Variants in PCNX2 observed in about 807,000 individuals in gnomAD.
PCNX2 encodes the protein pecanex 2, also known as pecanex-like protein 2.
A neutral mutation model predicts 223.8 loss-of-function variants in PCNX2; 168 were observed. The observed-to-expected ratio is 0.75, with a 90% confidence interval of 0.66 to 0.85. PCNX2 has a LOEUF of 0.85. PCNX2 is among the 40% of genes least tolerant of loss of function. The pLI, the probability that PCNX2 is intolerant of heterozygous loss-of-function variation, is 0.00. For missense variants in PCNX2, 2,507 were observed against 2,675.5 expected (o/e 0.94, Z 1.39); for synonymous variants, 1,006 against 1,052.6 (o/e 0.96, Z 0.86).
intron 1 of PCNX2, among the ~76,000 whole-genome samples, chr1:233,272,590 C>T (rs1660697424): frequency 6.6e-6 from 1 of 152,154 alleles, no homozygotes; most frequent in South Asian, 2.1e-4. Context: ...TGTGGAGATT[C>T]CTTAAAGAAC....
At chr1:233,273,591 C>T (rs1031600999) in intron 1 of PCNX2, among the ~76,000 whole-genome samples, 1 of 151,908 alleles carries the variant, frequency 6.6e-6, no homozygotes, top group African/African-American at 2.4e-5. Flanking sequence ...CTGCTCCATC[C>T]CATTCAGTGG....
In PCNX2 at chr1:233,144,948, G is replaced by T. The variant is rs1477999022; in HGVS notation, c.3518-5093C>A. ...TTCGGTGCTATTTGTTGTTGTTGTT[G>T]TTTTGTTTTTTTTTTTTGTTTCTTT... On this transcript the variant is annotated intron_variant, in intron 19 of 33. Coordinates refer to ENST00000258229, the MANE Select transcript of PCNX2 (RefSeq NM_014801.4). Among the ~76,000 whole-genome samples, 131 of 69,978 alleles carry T rather than the reference G, an allele frequency of 1.9e-3. 1 individual carries two copies. The highest frequency in any genetic ancestry group is 8.0e-3 in the African/African-American group (124 of 15,482). 45.9% of individuals were successfully genotyped at this position (69,978 alleles called of 152,430 possible).
At chr1:232,998,808 T>C (rs1310056416) in intron 31 of PCNX2, among the ~76,000 whole-genome samples, 2 of 152,200 alleles carry the variant, frequency 1.3e-5, no homozygotes, top group Non-Finnish European at 2.9e-5. Context: ...CAGTTCTTGC[T>C]AACAGATGTG....
chr1:233,081,764 T>G (rs923915279), intron 23 of PCNX2, among the ~76,000 whole-genome samples: 1 of 152,152 alleles, frequency 6.6e-6, no homozygotes, highest in Non-Finnish European at 1.5e-5. Context: ...CCTGCAGTGG[T>G]TCTGACCTGT....
chr1:233,180,656 A>T (rs1342556138), intron 15 of PCNX2: 1 of 152,152 alleles, frequency 6.6e-6, no homozygotes, highest in Non-Finnish European at 1.5e-5. Flanking sequence ...AGAGCAAGTG[A>T]TTTTATTTTT....
At position 232,986,415 on chromosome 1, in the gene PCNX2, C is replaced by T; in HGVS notation, c.5917G>A (p.Val1973Met). The T allele has an allele frequency of 6.2e-7, 1 of 1,606,278 alleles. No individual in the cohort carries two copies. The highest frequency in any genetic ancestry group is 8.5e-7 in the Non-Finnish European group (1 of 1,176,532). ...GAGAGCCTCTGGGCCAGCTCGTGCA[C>T]TGAGGTGGACGTCTGGAGGAATGTT... ...RQTFLQTSTSVHELAQRLSGS... is the reference protein window; with the variant it reads ...RQTFLQTSTSMHELAQRLSGS... Residue 1973 changes from valine (V) to methionine (M), a missense_variant, in exon 33 of 34, where the codon GTG (valine) becomes ATG (methionine). Around this residue, in one of 3 missense-constraint regions of PCNX2, gnomAD observed 1,372 missense variants for 1,509.4 expected, o/e 0.91. Transcript: ENST00000258229.
At chr1:233,159,237 A>G (rs952202062) in intron 19 of PCNX2, among the ~76,000 whole-genome samples, 1 of 152,126 alleles carries the variant, frequency 6.6e-6, no homozygotes, top group Admixed American at 6.6e-5. Flanking sequence ...TTTCTAACTA[A>G]GGCGGCTCCT....
intron 25 of PCNX2, among the ~76,000 whole-genome samples, chr1:233,048,180 C>T (rs1053547708): frequency 3.3e-5 from 5 of 152,018 alleles, no homozygotes; most frequent in South Asian, 2.1e-4. Flanking sequence ...AAACAGGCTG[C>T]ACATGGTGGC....
chr1:233,084,586 T>C (rs1007108340), intron 23 of PCNX2, among the ~76,000 whole-genome samples: 1 of 152,226 alleles, frequency 6.6e-6, no homozygotes, highest in Non-Finnish European at 1.5e-5. Context: ...ACAAAATCTC[T>C]GTTAATGGGA....
chr1:233,024,996 C>T, intron 26 of PCNX2, 150 bp downstream of exon 26: 1 of 1,083,938 alleles, frequency 9.2e-7, no homozygotes, highest in Non-Finnish European at 1.3e-6. Flanking sequence ...TAGGATTTTT[C>T]CAAAAGCAAT....
chr1:233,269,892 C>T (rs1308795746), intron 1 of PCNX2, among the ~76,000 whole-genome samples: 1 of 152,178 alleles, frequency 6.6e-6, no homozygotes, highest in Admixed American at 6.5e-5. Context: ...TGCTGGAAGA[C>T]TGACAAGTTC....
At chr1:233,287,875 C>A (rs1446826175) in intron 1 of PCNX2, among the ~76,000 whole-genome samples, 1 of 152,020 alleles carries the variant, frequency 6.6e-6, no homozygotes, top group Non-Finnish European at 1.5e-5. Context: ...CTCACTGGGG[C>A]ACTATGAAGG....
At chr1:233,208,229 G>A (rs934896684) in intron 13 of PCNX2, among the ~76,000 whole-genome samples, 1 of 152,182 alleles carries the variant, frequency 6.6e-6, no homozygotes, top group African/African-American at 2.4e-5. Context: ...GAAGTGCTAG[G>A]ATTACAGGTG....
chr1:233,149,257 G>T (rs1468973869), intron 19 of PCNX2, among the ~76,000 whole-genome samples: 1 of 152,140 alleles, frequency 6.6e-6, no homozygotes, highest in Non-Finnish European at 1.5e-5. Context: ...GCTTTAAATT[G>T]TCTTAAAGGG....
chr1:233,008,797 T>A (rs952961338), intron 28 of PCNX2, among the ~76,000 whole-genome samples: 2 of 152,084 alleles, frequency 1.3e-5, no homozygotes, highest in Non-Finnish European at 2.9e-5. Context: ...ATCCCTGAGG[T>A]CAGGCCACCC....
intron 15 of PCNX2, among the ~76,000 whole-genome samples, chr1:233,180,173 C>T (rs1679707890): frequency 6.6e-6 from 1 of 152,156 alleles, no homozygotes; most frequent in South Asian, 2.1e-4. Context: ...GCATTTCTAA[C>T]AAAGATTAAA....
chr1:233,108,330 A>C (rs1203999726), intron 21 of PCNX2, among the ~76,000 whole-genome samples: 1 of 152,184 alleles, frequency 6.6e-6, no homozygotes, highest in East Asian at 1.9e-4. Flanking sequence ...GGAGAGAAAG[A>C]TACCTTCAGG....
At chr1:233,063,678 T>A (rs903124963) in intron 23 of PCNX2, among the ~76,000 whole-genome samples, 1 of 152,230 alleles carries the variant, frequency 6.6e-6, no homozygotes, top group African/African-American at 2.4e-5. Flanking sequence ...ATGTCTTTCA[T>A]CAATTTTGAA....
At chr1:233,093,827 C>T (rs1249439167) in intron 22 of PCNX2, among the ~76,000 whole-genome samples, 2 of 152,140 alleles carry the variant, frequency 1.3e-5, no homozygotes, top group East Asian at 1.9e-4. Flanking sequence ...AATGGAACCA[C>T]CAAATGCCCA....
Sources: allele counts gnomAD v4.1 joint callset (sites outside exome capture counted in the v4.1 genomes callset), GRCh38; gene constraint gnomAD v4.1.1; regional missense constraint gnomAD v4.1.1; transcripts MANE v1.5; gene names NCBI Gene and HGNC (gene_info 2026-07-23, HGNC 2026-07-21).